The following CMSS1 variants were observed in gnomAD, a reference collection of about 807,000 sequenced individuals.
CMSS1 encodes protein CMSS1.
Under a neutral mutation model 43.5 loss-of-function variants are expected in CMSS1, and 33 were observed. The observed-to-expected ratio is 0.76, with a 90% CI of 0.57 to 1.01. CMSS1 has a LOEUF of 1.01. CMSS1 is among the 50% of genes least tolerant of loss of function. The probability of loss-of-function intolerance (pLI) is 0.00; values close to 1 mark genes in which losing one functional copy is unlikely to be tolerated. For missense variants in CMSS1, 313 were observed against 326.4 expected (o/e 0.96, Z 0.32); for synonymous variants, 115 against 117.2 (o/e 0.98, Z 0.12).
intron 2 of CMSS1, among the ~76,000 whole-genome samples, chr3:100,151,903 C>T (rs1440952167): frequency 2.6e-5 from 4 of 152,146 alleles, no homozygotes; most frequent in African/African-American, 9.7e-5. Context: ...AGTTTTAATT[C>T]CTTAAGTACA....
intron 1 of CMSS1, among the ~76,000 whole-genome samples, chr3:100,092,624 T>C (rs2066130229): frequency 6.7e-6 from 1 of 149,186 alleles, no homozygotes; most frequent in Non-Finnish European, 1.5e-5. Context: ...AGTCAATGCA[T>C]GTTAAGCTCC....
At chr3:99,936,760 G>A (rs1219470221) in intron 1 of CMSS1, among the ~76,000 whole-genome samples, 1 of 151,386 alleles carries the variant, frequency 6.6e-6, no homozygotes, top group Non-Finnish European at 1.5e-5. Context: ...AGGCAGTCTG[G>A]CTCCAGAGCC....
chr3:99,996,134 A>G (rs892536861), intron 1 of CMSS1, among the ~76,000 whole-genome samples: 5 of 152,180 alleles, frequency 3.3e-5, no homozygotes, highest in Admixed American at 6.5e-5. Flanking sequence ...CTGAATGCCT[A>G]TAACAGCACC....
At position 99,848,420 on chromosome 3, in the gene CMSS1, G is replaced by C. The variant is rs773561739; in HGVS notation, c.64+30377G>C. On this transcript the variant is annotated intron_variant, in intron 1 of 9. Transcript: ENST00000421999. ...CCTTGAGTTCGGTTATCCTGCAGTG[G>C]TGCTGAAGGGCTGGCAGGTCTCACA... The C allele has an allele frequency of 4.5e-5, 73 of 1,614,158 alleles. 1 individual carries two copies. In the East Asian group the frequency reaches 4.7e-4, roughly 10 times the overall value.
chr3:100,166,251 A>T, intron 4 of CMSS1, 84 bp from the exon 5 acceptor site: 1 of 889,750 alleles, frequency 1.1e-6, no homozygotes, highest in South Asian at 1.4e-5. Flanking sequence ...AACCTTATAC[A>T]TCACTCATAA....
chr3:99,977,424 A>G (rs1352747002), intron 1 of CMSS1, among the ~76,000 whole-genome samples: 2 of 152,188 alleles, frequency 1.3e-5, no homozygotes, highest in Non-Finnish European at 2.9e-5. Flanking sequence ...TCAGAAAGGT[A>G]TGCTGGGGGC....
At chr3:100,135,932 G>A (rs1426080991) in intron 1 of CMSS1, among the ~76,000 whole-genome samples, 1 of 151,914 alleles carries the variant, frequency 6.6e-6, no homozygotes, top group Non-Finnish European at 1.5e-5. Flanking sequence ...AGTTTTCTGT[G>A]GGAACAGAAA....
chr3:99,880,075 G>A lies in CMSS1; in HGVS notation c.64+62032G>A, dbSNP rs116360596. Reference sequence around the variant, plus strand: ...ATCCGATCCTGTGCTTCTACTCTCCGATCCCTTCTCCTCTGCTGCTACACA... The same window carrying A: ...ATCCGATCCTGTGCTTCTACTCTCCAATCCCTTCTCCTCTGCTGCTACACA... On this transcript the variant is annotated intron_variant, in intron 1 of 9. Transcript: ENST00000421999. Among the ~76,000 whole-genome samples, 313 of 152,198 alleles carry A rather than the reference G, an allele frequency of 2.1e-3. 3 individuals carry two copies. Among genetic ancestry groups the A allele is most frequent in the African/African-American group, 7.2e-3 (299 of 41,512 alleles).
chr3:99,889,179 T>G (rs1269879822), intron 1 of CMSS1, among the ~76,000 whole-genome samples: 1 of 152,122 alleles, frequency 6.6e-6, no homozygotes, highest in African/African-American at 2.4e-5. Flanking sequence ...TCTGCTTGGT[T>G]TATTAATAAC....
intron 1 of CMSS1, chr3:99,847,980 C>A: frequency 9.4e-7 from 1 of 1,063,454 alleles, no homozygotes; most frequent in Admixed American, 4.8e-5. Context: ...TTCACCAAGA[C>A]AAGTTGCAGT....
chr3:99,868,253 A>G (rs1183787365), intron 1 of CMSS1, among the ~76,000 whole-genome samples: 4 of 150,356 alleles, frequency 2.7e-5, no homozygotes, highest in Non-Finnish European at 5.9e-5. Context: ...TAGCAGGGAA[A>G]TCAAGGTAAA....
intron 1 of CMSS1, among the ~76,000 whole-genome samples, chr3:99,986,490 T>C (rs1709345782): frequency 6.6e-6 from 1 of 152,196 alleles, no homozygotes; most frequent in Non-Finnish European, 1.5e-5. Flanking sequence ...TGAAAGTTGA[T>C]AGTGAAAGAA....
At position 100,094,924 on chromosome 3, in the gene CMSS1, G is replaced by A. The variant is rs192826333; in HGVS notation, c.65-52049G>A. 9.7e-4 allele frequency among the ~76,000 whole-genome samples: 147 copies of A among 151,970 alleles called. 1 individual carries two copies. The East Asian group carries it at 0.025, about 26-fold the overall frequency. ...AGGATGGTCTTGATCTCCTGACCTC[G>A]TGATCCACCCGCCTCGGCCTCCCAA... On this transcript the variant is annotated intron_variant, in intron 1 of 9. Transcript: ENST00000421999.
At chr3:100,130,340 G>A (rs769661347) in intron 1 of CMSS1, among the ~76,000 whole-genome samples, 2 of 152,122 alleles carry the variant, frequency 1.3e-5, no homozygotes, top group African/African-American at 4.8e-5. Flanking sequence ...AGGCCATGAG[G>A]TCTTCTCTAA....
At chr3:100,016,017 AC>A (rs1559726280) in intron 1 of CMSS1, among the ~76,000 whole-genome samples, 2 of 152,218 alleles carry the variant, frequency 1.3e-5, no homozygotes, top group Non-Finnish European at 2.9e-5. Context: ...CCTTAAAAGA[AC>A]ATGTGCTGAC....
At chr3:99,930,519 C>T (rs1576580861) in intron 1 of CMSS1, among the ~76,000 whole-genome samples, 1 of 152,262 alleles carries the variant, frequency 6.6e-6, no homozygotes, top group Non-Finnish European at 1.5e-5. Context: ...AGCTCCTGAG[C>T]AGCATGGGCA....
chr3:99,966,971 TG>T (rs1708672689), intron 1 of CMSS1, among the ~76,000 whole-genome samples: 2 of 151,928 alleles, frequency 1.3e-5, no homozygotes, highest in African/African-American at 4.8e-5. Context: ...GCTATACAGG[TG>T]GGGGATTGGA....
At chr3:99,858,819 T>A (rs1027341233) in intron 1 of CMSS1, among the ~76,000 whole-genome samples, 1 of 152,224 alleles carries the variant, frequency 6.6e-6, no homozygotes, top group African/African-American at 2.4e-5. Context: ...CTCCAGAGGA[T>A]AGACAGTTGA....
chr3:100,082,784 A>C (rs13069311), intron 1 of CMSS1, among the ~76,000 whole-genome samples: 27,675 of 152,148 alleles, frequency 0.18, 2,909 homozygotes, highest in South Asian at 0.25. Flanking sequence ...CATGTCACAA[A>C]ATCTGTTTTT....
Sources: allele counts gnomAD v4.1 joint callset (sites outside exome capture counted in the v4.1 genomes callset), GRCh38; gene constraint gnomAD v4.1.1; transcripts MANE v1.5; gene names NCBI Gene and HGNC (gene_info 2026-07-23, HGNC 2026-07-21).